PKIB: variants seen among roughly 807,000 people sequenced by gnomAD.
PKIB encodes the protein PKI-beta.
A neutral mutation model predicts 4.5 loss-of-function variants in PKIB; 2 were observed. The ratio of observed to expected loss-of-function variants is 0.44; its 90% CI spans 0.18 to 1.39. The LOEUF (loss-of-function observed/expected upper bound fraction) is 1.39, where lower values mean the gene tolerates loss of function less well. Among genes scored for constraint, PKIB ranks in the 40% most tolerant of loss-of-function variants. PKIB has a pLI of 0.27. For synonymous variants in PKIB, 38 were observed against 36.0 expected, an observed-to-expected ratio of 1.06 and a Z score of -0.20; for missense variants, 94 against 92.6, an observed-to-expected ratio of 1.02 and a Z score of -0.06.
intron 2 of PKIB, among the ~76,000 whole-genome samples, chr6:122,538,380 T>C (rs1211437062): frequency 6.6e-6 from 1 of 152,130 alleles, no homozygotes; most frequent in Non-Finnish European, 1.5e-5. Context: ...GGGATCCAGT[T>C]TCAGCTTTCT....
chr6:122,626,486 G>A (rs1246691440), intron 1 of PKIB, among the ~76,000 whole-genome samples: 3 of 152,182 alleles, frequency 2.0e-5, no homozygotes, highest in Non-Finnish European at 4.4e-5. Flanking sequence ...AGAGTCATAA[G>A]AAGAATGATT....
intron 3 of PKIB, among the ~76,000 whole-genome samples, chr6:122,599,039 C>T (rs1267996066): frequency 6.6e-6 from 1 of 152,152 alleles, no homozygotes; most frequent in Non-Finnish European, 1.5e-5. Flanking sequence ...CTCAACCTCA[C>T]CTCTAGGGTC....
At chr6:122,627,773 G>A (rs578020318) in intron 1 of PKIB, among the ~76,000 whole-genome samples, 204 of 151,958 alleles carry the variant, frequency 1.3e-3, no homozygotes, top group Non-Finnish European at 2.4e-3. Flanking sequence ...CTTTCTTGAC[G>A]TAACATAGAC....
At position 122,520,670 on chromosome 6, in the gene PKIB, C is replaced by CG. The variant is rs1482418321; in HGVS notation, c.-248+42731_-248+42732insG. 1.1e-4 allele frequency among the ~76,000 whole-genome samples: 14 copies of CG among 125,748 alleles called. No individual in the cohort carries two copies. The South Asian group carries it at 2.9e-3, about 26-fold the overall frequency. 82.5% of individuals were successfully genotyped at this position (125,748 alleles called of 152,430 possible). ...GGCTGAAAGTTTATGTTCCCACCCCCCCCCCACCAAATTTATATTAGTTTG... is the reference window on the plus strand; with the variant it reads ...GGCTGAAAGTTTATGTTCCCACCCCCGCCCCCACCAAATTTATATTAGTTTG... On this transcript the variant is annotated intron_variant, in intron 2 of 6. Transcript: ENST00000392491.
At chr6:122,692,849 A>G (rs991251665) in intron 3 of PKIB, among the ~76,000 whole-genome samples, 48 of 152,390 alleles carry the variant, frequency 3.1e-4, no homozygotes, top group African/African-American at 1.1e-3. Flanking sequence ...CATCAAAGAA[A>G]CATTATGTTT....
intron 2 of PKIB, among the ~76,000 whole-genome samples, chr6:122,485,450 T>C (rs977902152): frequency 6.6e-6 from 1 of 152,164 alleles, no homozygotes; most frequent in African/African-American, 2.4e-5. Flanking sequence ...AACAAACTAA[T>C]GTATCAAAGT....
chr6:122,639,934 T>C (rs1023459680), intron 2 of PKIB, among the ~76,000 whole-genome samples: 34 of 152,224 alleles, frequency 2.2e-4, no homozygotes, highest in African/African-American at 7.9e-4. Flanking sequence ...TGGGAAGGGT[T>C]CGCCTGAAGA....
intron 1 of PKIB, among the ~76,000 whole-genome samples, chr6:122,476,137 C>T (rs1310440954): frequency 5.9e-5 from 9 of 151,914 alleles, no homozygotes; most frequent in Non-Finnish European, 4.4e-5. Flanking sequence ...ACATCTTGGC[C>T]CCCCCACAGT....
chr6:122,677,962 C>A (rs773404758), intron 3 of PKIB, among the ~76,000 whole-genome samples: 41 of 151,794 alleles, frequency 2.7e-4, no homozygotes, highest in Middle Eastern at 6.8e-3. Flanking sequence ...GGCTGGAGTG[C>A]AGTGGCGAGA....
intron 1 of PKIB, among the ~76,000 whole-genome samples, chr6:122,475,171 C>G (rs1775421758): frequency 6.6e-6 from 1 of 152,112 alleles, no homozygotes; most frequent in African/African-American, 2.4e-5. Flanking sequence ...AGTGCAGTGG[C>G]CTGATCTCAG....
chr6:122,533,074 C>G (rs1382464103), intron 2 of PKIB, among the ~76,000 whole-genome samples: 1 of 152,020 alleles, frequency 6.6e-6, no homozygotes, highest in Admixed American at 6.6e-5. Context: ...GGTATTAACA[C>G]TGTAGCAAAT....
intron 4 of PKIB, among the ~76,000 whole-genome samples, chr6:122,720,537 G>A (rs190421578): frequency 1.3e-5 from 2 of 152,034 alleles, no homozygotes; most frequent in Admixed American, 6.6e-5. Flanking sequence ...ACCGAGAAGG[G>A]TTAGCCTAGA....
At position 122,633,929 on chromosome 6, in the gene PKIB, CCTATCTATCTAT is replaced by C. The variant is rs61254507; in HGVS notation, c.-76+596_-76+607del. Among the ~76,000 whole-genome samples, 443 of 145,974 alleles carry C rather than the reference CCTATCTATCTAT, an allele frequency of 3.0e-3. 1 individual carries two copies. Among genetic ancestry groups the C allele is most frequent in the African/African-American group, 8.3e-3 (326 of 39,234 alleles). ...GTGCTGGTATCTCACAGATATCTGT[CCTATCTATCTAT>C]CTATCTATCTATCTATCTATCTATC... On this transcript the variant is annotated intron_variant, in intron 2 of 4. Transcript: ENST00000368452.
chr6:122,718,887 A>G (rs1210726522), intron 4 of PKIB, among the ~76,000 whole-genome samples: 4 of 152,154 alleles, frequency 2.6e-5, no homozygotes, highest in South Asian at 2.1e-4. Flanking sequence ...CTGCAGTTCC[A>G]TGATTACCTC....
chr6:122,643,499 G>A (rs1776194707), intron 2 of PKIB: 1 of 152,002 alleles, frequency 6.6e-6, no homozygotes, highest in African/African-American at 2.4e-5. Context: ...TATAAGTTAA[G>A]TGATACGTTA....
intron 3 of PKIB, among the ~76,000 whole-genome samples, chr6:122,706,234 A>G (rs564779900): frequency 4.6e-5 from 7 of 152,246 alleles, no homozygotes; most frequent in Admixed American, 4.6e-4. Context: ...GTAACCATTT[A>G]TCTTTTACAT....
intron 4 of PKIB, among the ~76,000 whole-genome samples, chr6:122,718,675 TTTGGGAATTTATTC>T (rs1324669746): frequency 6.6e-6 from 1 of 152,150 alleles, no homozygotes; most frequent in Non-Finnish European, 1.5e-5. Flanking sequence ...CTAGTGTATG[TTTGGGAATTTATTC>T]TTGGTGACAA....
chr6:122,724,900 C>T (rs899959490), intron 4 of PKIB, among the ~76,000 whole-genome samples: 1 of 152,016 alleles, frequency 6.6e-6, no homozygotes, highest in Non-Finnish European at 1.5e-5. Context: ...TCTGAGAATA[C>T]CCTAGAAGAC....
At position 122,725,302 on chromosome 6, in the gene PKIB, C is replaced by T. The variant is rs1203543616; in HGVS notation, c.*107C>T. On this transcript the variant is annotated 3_prime_UTR_variant, in exon 5 of 5. Transcript: ENST00000368452. ...GTGGTAACTGTGGTAACATTGCAGC[C>T]CTAAGCAGCATGTGTATATTAGATA... 5 of 850,204 alleles carry T rather than the reference C, an allele frequency of 5.9e-6. No individual in the cohort carries two copies. The highest frequency in any genetic ancestry group is 9.3e-6 in the Non-Finnish European group (5 of 535,300). The allele number at this position is 850,204 out of a possible 1,614,324, so 52.7% of individuals were successfully genotyped here. A position where few individuals can be genotyped will look rare whatever the true frequency, so the allele number is the denominator to read the frequency against.
Sources: gnomAD v4.1 joint callset for allele counts (sites outside exome capture counted in the v4.1 genomes callset) on GRCh38, gnomAD v4.1.1 for gene constraint, MANE v1.5 for transcripts, NCBI Gene and HGNC (gene_info 2026-07-23, HGNC 2026-07-21) for gene names.